DAAM2: variants seen among roughly 807,000 people sequenced by gnomAD.
DAAM2 encodes the protein disheveled-associated activator of morphogenesis 2.
A neutral mutation model predicts 120.7 loss-of-function variants in DAAM2; 39 were observed. That is an observed-to-expected ratio of 0.32 (90% CI 0.25 to 0.42). The LOEUF (loss-of-function observed/expected upper bound fraction) is 0.42. DAAM2 is among the 10% of genes least tolerant of loss of function. The pLI, the probability that DAAM2 is intolerant of heterozygous loss-of-function variation, is 1.00. For synonymous variants in DAAM2, 488 were observed against 524.9 expected, an observed-to-expected ratio of 0.93 and a Z score of 0.96; for missense variants, 1,283 against 1,401.7, an observed-to-expected ratio of 0.92 and a Z score of 1.35.
intron 1 of DAAM2, among the ~76,000 whole-genome samples, chr6:39,833,733 G>T (rs1165289670): frequency 6.6e-6 from 1 of 152,078 alleles, no homozygotes; most frequent in Non-Finnish European, 1.5e-5. Flanking sequence ...GGAAAACAAG[G>T]TCCTGGCTTA....
rs756355622 is a variant in DAAM2 at position 39,891,440 on chromosome 6, A to G, written c.2245A>G (p.Met749Val). Residue 749 changes from methionine (M) to valine (V), a missense_variant, in exon 18 of 25, where the codon ATG (methionine) becomes GTG (valine). Physicochemically the swap from Met to Val is conservative, Grantham distance 21 (BLOSUM62 1). This residue lies in a region of DAAM2 where 748 missense variants were observed against 768.6 expected (regional missense o/e 0.97). Coordinates refer to ENST00000274867, the MANE Select transcript of DAAM2 (RefSeq NM_001201427.2). ...MARADRFLYEMSRIDHYQQRL... is the reference protein window; with the variant it reads ...MARADRFLYEVSRIDHYQQRL... Reference sequence around the variant, plus strand: ...CCGTGCTGACCGCTTCCTCTATGAAATGAGCAGGTTGGGCCATGGGCATGG... The same window carrying G: ...CCGTGCTGACCGCTTCCTCTATGAAGTGAGCAGGTTGGGCCATGGGCATGG... The G allele has an allele frequency of 1.2e-6, 2 of 1,606,310 alleles. No homozygotes were observed. Among genetic ancestry groups the G allele is most frequent in the Non-Finnish European group, 1.7e-6 (2 of 1,176,020 alleles).
At chr6:39,876,942 T>C (rs2504796) in intron 11 of DAAM2, among the ~76,000 whole-genome samples, 104,619 of 152,138 alleles carry the variant, frequency 0.69, 36,920 homozygotes, top group African/African-American at 0.85. Flanking sequence ...CCTGCTCTCT[T>C]GCCTTTTTGG....
intron 1 of DAAM2, among the ~76,000 whole-genome samples, chr6:39,853,788 C>T (rs1020507881): frequency 6.6e-5 from 10 of 152,228 alleles, no homozygotes; most frequent in African/African-American, 2.4e-4. Flanking sequence ...GCTCCCTTCC[C>T]ATGCCTTGTG....
At chr6:39,794,794 G>A (rs1372102355) in intron 1 of DAAM2, among the ~76,000 whole-genome samples, 1 of 152,152 alleles carries the variant, frequency 6.6e-6, no homozygotes, top group Non-Finnish European at 1.5e-5. Flanking sequence ...AATGAAAGAT[G>A]AGGCTTTCTT....
At chr6:39,801,380 G>A (rs1302626464) in intron 1 of DAAM2, among the ~76,000 whole-genome samples, 1 of 152,186 alleles carries the variant, frequency 6.6e-6, no homozygotes, top group Non-Finnish European at 1.5e-5. Context: ...TCTGAGGGGT[G>A]TGGATGTATC....
intron 1 of DAAM2, among the ~76,000 whole-genome samples, chr6:39,837,592 G>A (rs1316172610): frequency 6.7e-6 from 1 of 149,182 alleles, no homozygotes; most frequent in Admixed American, 6.7e-5. Context: ...GAACCCGGGA[G>A]GCAGAGGTTG....
At chr6:39,885,740 G>A (rs1351277769) in intron 15 of DAAM2, 1 of 152,282 alleles carries the variant, frequency 6.6e-6, no homozygotes, top group East Asian at 1.9e-4. Context: ...GATCCCGGAG[G>A]CCGTATTAAC....
rs116055471 is a variant in DAAM2 at position 39,814,455 on chromosome 6, G to A, written c.-57+21990G>A. Among the ~76,000 whole-genome samples, 822 of 152,320 alleles carry A rather than the reference G, an allele frequency of 5.4e-3. 8 individuals carry two copies. Among genetic ancestry groups the A allele is most frequent in the African/African-American group, 0.019 (790 of 41,564 alleles). On this transcript the variant is annotated intron_variant, in intron 1 of 24. Transcript: ENST00000274867. Reference sequence around the variant, plus strand: ...CTCTGATGCCTTTGTTGGGGTTGGCGTTGGCGTTGGGTGAGCACTGTGGTG... The same window carrying A: ...CTCTGATGCCTTTGTTGGGGTTGGCATTGGCGTTGGGTGAGCACTGTGGTG...
chr6:39,877,738 TG>T, intron 11 of DAAM2, among the ~76,000 whole-genome samples: 1 of 152,326 alleles, frequency 6.6e-6, no homozygotes, highest in East Asian at 1.9e-4. Context: ...CAGTCTGTAT[TG>T]CTGGTGTGGG....
chr6:39,863,545 G>A (rs1301300377), intron 3 of DAAM2, among the ~76,000 whole-genome samples: 4 of 152,120 alleles, frequency 2.6e-5, no homozygotes, highest in Admixed American at 1.3e-4. Context: ...TTTTCATGCC[G>A]ATTTGGAAGC....
intron 21 of DAAM2, among the ~76,000 whole-genome samples, chr6:39,898,345 G>A (rs758615205): frequency 2.8e-4 from 43 of 152,204 alleles, no homozygotes; most frequent in Non-Finnish European, 5.6e-4. Flanking sequence ...AAAAGAGTGT[G>A]CGTACAGTTG....
In DAAM2 at chr6:39,901,333, A is replaced by G. The variant is rs776462962; in HGVS notation, c.2843A>G (p.His948Arg). The G allele has an allele frequency of 4.3e-6, 7 of 1,613,854 alleles. No homozygotes were observed. In the Admixed American group the frequency reaches 6.7e-5, roughly 15 times the overall value. ...AAGGCCTTGATGCACTTCGGGGAGCATGACAGCAAGATGCAGCCAGACGAA... is the reference window on the plus strand; with the variant it reads ...AAGGCCTTGATGCACTTCGGGGAGCGTGACAGCAAGATGCAGCCAGACGAA... ...FAKALMHFGE[H>R]DSKMQPDEFF... The change falls in exon 24 of 25, where the codon CAT becomes CGT. Residue 948 changes from histidine (H) to arginine (R), a missense_variant. His to Arg is a conservative substitution (Grantham distance 29). Transcript: ENST00000274867. The surrounding 1 kb of genome is among the most constrained non-coding windows in gnomAD (Gnocchi z 4.5).
intron 5 of DAAM2, among the ~76,000 whole-genome samples, chr6:39,865,976 T>C (rs1764413562): frequency 6.6e-6 from 1 of 152,250 alleles, no homozygotes; most frequent in African/African-American, 2.4e-5. Context: ...AAATTGGCTA[T>C]GCTGGGAGCA....
Position 39,860,913 on chromosome 6 carries a change from T to A in DAAM2, c.169-15T>A. On this transcript the variant is annotated splice_polypyrimidine_tract_variant and intron_variant, in intron 2 of 24. Coordinates refer to ENST00000274867, the MANE Select transcript of DAAM2 (RefSeq NM_001201427.2). Reference sequence around the variant, plus strand: ...TCCCTAGTGTCAGACGTATTTTTTCTTATTGTCTTTGCAGGATGAATTGGA... The same window carrying A: ...TCCCTAGTGTCAGACGTATTTTTTCATATTGTCTTTGCAGGATGAATTGGA... 1 of 1,606,618 alleles carries A rather than the reference T, an allele frequency of 6.2e-7. No individual in the cohort carries two copies. The highest frequency in any genetic ancestry group is 8.5e-7 in the Non-Finnish European group (1 of 1,175,410).
At chr6:39,794,711 T>C (rs975323247) in intron 1 of DAAM2, among the ~76,000 whole-genome samples, 4 of 152,094 alleles carry the variant, frequency 2.6e-5, no homozygotes, top group African/African-American at 7.2e-5. Context: ...TCCCCATTAC[T>C]AAAGAGCCTT....
In DAAM2 at chr6:39,902,099, G is replaced by A. The variant is rs1766529552; in HGVS notation, c.*62G>A. 5.0e-6 allele frequency: 7 copies of A among 1,406,740 alleles called. No homozygotes were observed. In the South Asian group the frequency reaches 9.3e-5, roughly 19 times the overall value. The allele number at this position is 1,406,740 out of a possible 1,614,324, so 87.1% of individuals were successfully genotyped here. A position where few individuals can be genotyped will look rare whatever the true frequency, so the allele number is the denominator to read the frequency against. ...GGACTGGTGAGAATGGGGCTGAGTG[G>A]AGGAGGTGGTGATATTTAAACCATT... On this transcript the variant is annotated 3_prime_UTR_variant, in exon 25 of 25. Coordinates refer to ENST00000274867, the MANE Select transcript of DAAM2 (RefSeq NM_001201427.2).
intron 1 of DAAM2, among the ~76,000 whole-genome samples, chr6:39,842,032 GT>G (rs1351276252): frequency 1.3e-5 from 2 of 152,202 alleles, no homozygotes; most frequent in African/African-American, 2.4e-5. Context: ...AACCATGCAG[GT>G]TTATAAAGAA....
intron 19 of DAAM2, among the ~76,000 whole-genome samples, chr6:39,895,484 C>T (rs1766023244): frequency 1.3e-5 from 2 of 152,108 alleles, no homozygotes; most frequent in East Asian, 1.9e-4. Context: ...GATCTGCCTG[C>T]CTCAGCCTCC....
intron 1 of DAAM2, among the ~76,000 whole-genome samples, chr6:39,845,125 C>T (rs568315900): frequency 6.6e-6 from 1 of 151,310 alleles, no homozygotes; most frequent in South Asian, 2.1e-4. Context: ...TGTACCCAAA[C>T]CCCATCTACA....
Sources: allele counts gnomAD v4.1 joint callset (sites outside exome capture counted in the v4.1 genomes callset), GRCh38; gene constraint gnomAD v4.1.1; regional missense constraint gnomAD v4.1.1; non-coding constraint Gnocchi (gnomAD v3.1); transcripts MANE v1.5; gene names NCBI Gene and HGNC (gene_info 2026-07-23, HGNC 2026-07-21).